PCDH9: variants seen among roughly 807,000 people sequenced by gnomAD.
The protein encoded by PCDH9 is protocadherin-9.
PCDH9 carries 24 observed loss-of-function variants against 70.6 expected under a neutral mutation model. The observed-to-expected ratio is 0.34, with a 90% CI of 0.25 to 0.48. PCDH9 has a LOEUF of 0.48. Ranked by LOEUF, PCDH9 falls within the 20% of genes least tolerant of loss-of-function variation. The probability of loss-of-function intolerance (pLI) is 0.99; values close to 1 mark genes in which losing one functional copy is unlikely to be tolerated. For synonymous variants in PCDH9, 562 were observed against 558.5 expected, an observed-to-expected ratio of 1.01 and a Z score of -0.09; for missense variants, 1,281 against 1,503.6, an observed-to-expected ratio of 0.85 and a Z score of 2.45.
At chr13:67,220,522 A>G (rs1429931142) in intron 2 of PCDH9, 1 of 152,036 alleles carries the variant, frequency 6.6e-6, no homozygotes, top group African/African-American at 2.4e-5. Flanking sequence ...TTATTTAAAT[A>G]ATAAGAATAT....
intron 4 of PCDH9, among the ~76,000 whole-genome samples, chr13:66,515,065 C>A (rs1334361974): frequency 6.6e-6 from 1 of 152,038 alleles, no homozygotes; most frequent in South Asian, 2.1e-4. Context: ...AGTCTCATTT[C>A]TGGTTCTTTA....
chr13:67,126,970 T>C (rs1827725513), intron 2 of PCDH9, among the ~76,000 whole-genome samples: 1 of 152,224 alleles, frequency 6.6e-6, no homozygotes, highest in Non-Finnish European at 1.5e-5. Flanking sequence ...TAATATTTCA[T>C]TTTCATGGCA....
chr13:67,064,686 T>C (rs779464070), intron 2 of PCDH9, among the ~76,000 whole-genome samples: 14 of 152,138 alleles, frequency 9.2e-5, no homozygotes, highest in Non-Finnish European at 2.1e-4. Flanking sequence ...TCACAATAAA[T>C]GTCTCTCCTC....
chr13:67,036,298 T>A lies in PCDH9; in HGVS notation c.3037-132693A>T, dbSNP rs141711940. On this transcript the variant is annotated intron_variant, in intron 2 of 4. Transcript: ENST00000377865. The stretch of plus-strand genomic sequence containing the variant: ...CTGTTTCATATTTTATCTACTTGCA[T>A]AAGCTAAAGTACATTCCTCAATTCA... 3.3e-3 allele frequency among the ~76,000 whole-genome samples: 510 copies of A among 152,298 alleles called. 1 individual carries two copies. The highest frequency in any genetic ancestry group is 0.011 in the African/African-American group (459 of 41,564).
At chr13:67,127,620 T>G (rs1448649332) in intron 2 of PCDH9, among the ~76,000 whole-genome samples, 2 of 151,802 alleles carry the variant, frequency 1.3e-5, no homozygotes, top group Non-Finnish European at 2.9e-5. Context: ...TACTCTGGCC[T>G]TCTCTGAAGT....
chr13:66,311,315 G>T (rs182795794), intron 4 of PCDH9, among the ~76,000 whole-genome samples: 1 of 150,968 alleles, frequency 6.6e-6, no homozygotes, highest in African/African-American at 2.4e-5. Flanking sequence ...ATTTTTACTA[G>T]CTCATTTTAT....
intron 2 of PCDH9, among the ~76,000 whole-genome samples, chr13:67,035,408 A>G (rs903868119): frequency 6.6e-6 from 1 of 152,074 alleles, no homozygotes; most frequent in Non-Finnish European, 1.5e-5. Flanking sequence ...TTATGTTTAT[A>G]AAGTTGACAT....
chr13:66,555,077 G>A (rs1164264724), intron 4 of PCDH9, among the ~76,000 whole-genome samples: 1 of 152,138 alleles, frequency 6.6e-6, no homozygotes, highest in Non-Finnish European at 1.5e-5. Context: ...GCTGAGGCAG[G>A]AGAATTGCTT....
chr13:66,536,461 T>A lies in PCDH9; in HGVS notation c.3340+94749A>T, dbSNP rs189889842. Among the ~76,000 whole-genome samples, 378 of 152,238 alleles carry A rather than the reference T, an allele frequency of 2.5e-3. 1 individual carries two copies. The highest frequency in any genetic ancestry group is 8.7e-3 in the African/African-American group (361 of 41,580). ...ATTTTTGTTGTGTTCTTATTTTATA[T>A]CTTCTAAATGCTTCCTGTATATTTT... On this transcript the variant is annotated intron_variant, in intron 4 of 4. Transcript: ENST00000377865.
chr13:66,528,135 C>T (rs1274437281), intron 4 of PCDH9, among the ~76,000 whole-genome samples: 1 of 152,076 alleles, frequency 6.6e-6, no homozygotes, highest in Non-Finnish European at 1.5e-5. Flanking sequence ...GCAATTTCAC[C>T]AACTCTCAGT....
At chr13:66,533,631 A>G (rs1960564546) in intron 4 of PCDH9, among the ~76,000 whole-genome samples, 1 of 152,146 alleles carries the variant, frequency 6.6e-6, no homozygotes, top group Non-Finnish European at 1.5e-5. Flanking sequence ...GACATGACAT[A>G]AAAGTTGTCT....
At chr13:66,572,202 T>A (rs1028721085) in intron 4 of PCDH9, among the ~76,000 whole-genome samples, 8 of 152,300 alleles carry the variant, frequency 5.3e-5, no homozygotes, top group Admixed American at 1.3e-4. Context: ...CTATCAAACA[T>A]TGATCATTTC....
At chr13:66,433,512 T>A (rs1331774167) in intron 4 of PCDH9, among the ~76,000 whole-genome samples, 1 of 151,790 alleles carries the variant, frequency 6.6e-6, no homozygotes, top group South Asian at 2.1e-4. Flanking sequence ...TACATGCTAA[T>A]ATGAACAATT....
At chr13:66,882,480 A>AT (rs144418234) in intron 3 of PCDH9, among the ~76,000 whole-genome samples, 4,777 of 151,748 alleles carry the variant, frequency 0.031, 250 homozygotes, top group African/African-American at 0.11. Flanking sequence ...TGTTTTTTCC[A>AT]TTTTTTTATT....
chr13:66,781,200 A>C (rs1267078974), intron 3 of PCDH9, among the ~76,000 whole-genome samples: 4 of 152,226 alleles, frequency 2.6e-5, no homozygotes, highest in African/African-American at 9.6e-5. Flanking sequence ...TATTTAAATT[A>C]GGATTGAATT....
chr13:66,388,564 G>A (rs752943146), intron 4 of PCDH9, among the ~76,000 whole-genome samples: 2 of 152,072 alleles, frequency 1.3e-5, no homozygotes, highest in Non-Finnish European at 2.9e-5. Flanking sequence ...ATAGTTTACA[G>A]TTAAAAATTT....
At chr13:66,742,523 C>T (rs2079282410) in intron 3 of PCDH9, among the ~76,000 whole-genome samples, 2 of 147,692 alleles carry the variant, frequency 1.4e-5, no homozygotes, top group East Asian at 2.0e-4. Context: ...AGCTTCTGCA[C>T]AGCAAAAGAA....
intron 4 of PCDH9, among the ~76,000 whole-genome samples, chr13:66,626,828 A>G (rs1730163214): frequency 6.6e-6 from 1 of 152,148 alleles, no homozygotes; most frequent in Admixed American, 6.5e-5. Context: ...GACTATCATC[A>G]TTTACTTATT....
chr13:67,224,195 G>C (rs773355471), intron 2 of PCDH9: 2 of 152,170 alleles, frequency 1.3e-5, no homozygotes, highest in South Asian at 4.1e-4. Context: ...CATCACCATA[G>C]GTGAACTCCA....
Sources: allele counts gnomAD v4.1 joint callset (sites outside exome capture counted in the v4.1 genomes callset), GRCh38; gene constraint gnomAD v4.1.1; transcripts MANE v1.5; gene names NCBI Gene and HGNC (gene_info 2026-07-23, HGNC 2026-07-21).